Variants in SBK2 observed in about 807,000 individuals in gnomAD.
SBK2 encodes the protein SH3 domain binding kinase family member 2.
SBK2 carries 18 observed loss-of-function variants against 15.9 expected under a neutral mutation model. The ratio of observed to expected loss-of-function variants is 1.13; its 90% confidence interval spans 0.78 to 1.68. The LOEUF (loss-of-function observed/expected upper bound fraction) is 1.68, where lower values mean the gene tolerates loss of function less well. SBK2 is among the 40% of genes most tolerant of loss of function. The pLI, the probability that SBK2 is intolerant of heterozygous loss-of-function variation, is 0.00. For missense variants in SBK2, 581 were observed against 510.9 expected, an observed-to-expected ratio of 1.14 and a Z score of -1.32; for synonymous variants, 284 against 246.8, an observed-to-expected ratio of 1.15 and a Z score of -1.41.
In SBK2 at chr19:55,536,042, C is replaced by T. The variant is rs2123482159; in HGVS notation, c.253G>A (p.Gly85Ser). Residue 85 changes from glycine (G) to serine (S), a missense_variant and splice_region_variant, in exon 2 of 4, where the codon GGC becomes AGC. Physicochemically the swap from Gly to Ser is moderately conservative, Grantham distance 56. Coordinates refer to ENST00000413299, the MANE Select transcript of SBK2 (RefSeq NM_001370096.2). ...RVLLVTHRQKGTPLALKQLPK... is the reference protein window; with the variant it reads ...RVLLVTHRQKSTPLALKQLPK... ...CACCTCTGGCCCCACAGCCTCGTAC[C>T]TTTCTGACGATGGGTGACCAGAAGG... 2 of 1,472,662 alleles carry T rather than the reference C, an allele frequency of 1.4e-6. No individual in the cohort carries two copies. Among genetic ancestry groups the T allele is most frequent in the East Asian group, 2.6e-5 (1 of 38,246 alleles). 91.2% of individuals were successfully genotyped at this position (1,472,662 alleles called of 1,614,324 possible). A position where few individuals can be genotyped will look rare whatever the true frequency, so the allele number is the denominator to read the frequency against.
In SBK2 at chr19:55,528,843, C is replaced by G. The variant is rs1250419883; in HGVS notation, c.*890G>C. On this transcript the variant is annotated 3_prime_UTR_variant, in exon 4 of 4. Coordinates refer to ENST00000413299, the MANE Select transcript of SBK2 (RefSeq NM_001370096.2). ...TCGCTGAGTACATGGGGTCTGTCAG[C>G]AGACGGAAGGCGGCAAAGACCCCCG... 1.3e-5 allele frequency among the ~76,000 whole-genome samples: 2 copies of G among 152,166 alleles called. No individual in the cohort carries two copies. The highest frequency in any genetic ancestry group is 6.5e-5 in the Admixed American group (1 of 15,272).
At chr19:55,530,972 G>A (rs749222501) in intron 3 of SBK2, among the ~76,000 whole-genome samples, 171 bp downstream of exon 3, 9 of 152,148 alleles carry the variant, frequency 5.9e-5, no homozygotes, top group Non-Finnish European at 1.3e-4. Context: ...GAACTCCAAA[G>A]AGGCCTAACA....
chr19:55,532,601 C>CCTT (rs34179769), intron 2 of SBK2, among the ~76,000 whole-genome samples: 72 of 128,382 alleles, frequency 5.6e-4, no homozygotes, highest in African/African-American at 2.1e-3. Flanking sequence ...TACACCCGCC[C>CCTT]TTTTTTTTTT....
intron 2 of SBK2, among the ~76,000 whole-genome samples, chr19:55,531,876 G>A (rs983942272): frequency 1.3e-5 from 2 of 152,032 alleles, no homozygotes. Context: ...CTACTTGGCC[G>A]GCTGAGGCAG....
chr19:55,533,914 A>G (rs953051085), intron 2 of SBK2, among the ~76,000 whole-genome samples: 2 of 151,982 alleles, frequency 1.3e-5, no homozygotes, highest in Non-Finnish European at 2.9e-5. Context: ...CATGCAGCCC[A>G]GGGGCAGGTG....
chr19:55,536,044 T>G lies in SBK2; in HGVS notation c.251A>C (p.Lys84Thr). ...GRVLLVTHRQ[K>T]GTPLALKQLP... is the part of the protein sequence containing the mutation. Reference sequence around the variant, plus strand: ...CCTCTGGCCCCACAGCCTCGTACCTTTCTGACGATGGGTGACCAGAAGGAC... The same window carrying G: ...CCTCTGGCCCCACAGCCTCGTACCTGTCTGACGATGGGTGACCAGAAGGAC... Residue 84 changes from lysine (K) to threonine (T), a missense_variant and splice_region_variant, in exon 2 of 4, where the codon AAA (lysine) becomes ACA (threonine). By Grantham distance (78) the Lys-to-Thr change is moderately conservative (BLOSUM62 -1). Coordinates refer to ENST00000413299, the MANE Select transcript of SBK2 (RefSeq NM_001370096.2). 2.0e-6 allele frequency: 3 copies of G among 1,472,504 alleles called. No individual in the cohort carries two copies. Among genetic ancestry groups the G allele is most frequent in the Non-Finnish European group, 2.7e-6 (3 of 1,104,914 alleles). The allele number at this position is 1,472,504 out of a possible 1,614,324, so 91.2% of individuals were successfully genotyped here.
rs1302300999 is a variant in SBK2 at position 55,530,101 on chromosome 19, C to CG, written c.678dup (p.Glu227ArgfsTer272). 6.2e-6 allele frequency: 9 copies of CG among 1,450,288 alleles called. No homozygotes were observed. In the South Asian group the frequency reaches 1.1e-4, roughly 18 times the overall value. The allele number at this position is 1,450,288 out of a possible 1,614,324, so 89.8% of individuals were successfully genotyped here. ...GGGAGCGGCGGGGGCGCGCAGAGCT[C>CG]GGGGGCCGTGTAGGGGATGGGCGGC... On this transcript the variant is annotated frameshift_variant, in exon 4 of 4. Coordinates refer to ENST00000413299, the MANE Select transcript of SBK2 (RefSeq NM_001370096.2). LOFTEE classifies it low-confidence loss of function (END_TRUNC).
At position 55,536,113 on chromosome 19, in the gene SBK2, A is replaced by T. The variant is rs1375805344; in HGVS notation, c.182T>A (p.Leu61His). 6.4e-7 allele frequency: 1 copy of T among 1,551,350 alleles called. No individual in the cohort carries two copies. ...GCCCAGGGGACGCACTTCCTCGTAG[A>T]GCTCGTCCACCTCGGCTCGGACCAG... ...QTLVRAEVDE[L>H]YEEVRPLGQG... Residue 61 changes from leucine to histidine, a missense_variant, in exon 2 of 4, where the codon CTC becomes CAC. Coordinates refer to ENST00000413299, the MANE Select transcript of SBK2 (RefSeq NM_001370096.2).
intron 2 of SBK2, among the ~76,000 whole-genome samples, chr19:55,533,601 T>C (rs1266649017): frequency 1.9e-5 from 1 of 53,442 alleles, no homozygotes; most frequent in Non-Finnish European, 3.4e-5. Context: ...TGCAGTGAGC[T>C]GAGATTGCGC....
At position 55,529,689 on chromosome 19, in the gene SBK2, C is replaced by A; in HGVS notation, c.*44G>T. 1 of 1,581,718 alleles carries A rather than the reference C, an allele frequency of 6.3e-7. No individual in the cohort carries two copies. Among genetic ancestry groups the A allele is most frequent in the Admixed American group, 1.7e-5 (1 of 57,222 alleles). On this transcript the variant is annotated 3_prime_UTR_variant, in exon 4 of 4. Coordinates refer to ENST00000413299, the MANE Select transcript of SBK2 (RefSeq NM_001370096.2). ...CACCAAAAGCCGTTGGCCTTGGGGG[C>A]CTCGGGTGGGGCGGCTTCCCTTTCT... is the stretch of plus-strand genomic sequence containing the variant.
At chr19:55,530,354 C>T (rs1363804583) in intron 3 of SBK2, 31 bp from the exon 4 acceptor site, 1 of 1,394,856 alleles carries the variant, frequency 7.2e-7, no homozygotes. Context: ...GCCCAGTGCC[C>T]CGGGGCCACG....
Position 55,536,190 on chromosome 19 carries a change from G to GC in SBK2, c.104dup (p.Gln36ProfsTer463), listed in dbSNP as rs1988396759. On this transcript the variant is annotated frameshift_variant, in exon 2 of 4. Transcript: ENST00000413299. LOFTEE classifies it high-confidence loss of function. ...CCTCCAGCGCGCGGGCAGCCTCCTG[G>GC]CCCTGCTGGAGCTCCTCTAATGTCA... 1 of 1,607,234 alleles carries GC rather than the reference G, an allele frequency of 6.2e-7. No homozygotes were observed. Among genetic ancestry groups the GC allele is most frequent in the Non-Finnish European group, 8.5e-7 (1 of 1,177,356 alleles).
chr19:55,531,109 G>A (rs1307664615), intron 3 of SBK2, 34 bp downstream of exon 3: 1 of 1,584,872 alleles, frequency 6.3e-7, no homozygotes, highest in African/African-American at 1.3e-5. Flanking sequence ...GGCCGGTGAG[G>A]CACTCGGAGG....
At position 55,529,708 on chromosome 19, in the gene SBK2, C is replaced by T. The variant is rs1436666942; in HGVS notation, c.*25G>A. 3 of 1,593,030 alleles carry T rather than the reference C, an allele frequency of 1.9e-6. No individual in the cohort carries two copies. Among genetic ancestry groups the T allele is most frequent in the African/African-American group, 1.3e-5 (1 of 74,470 alleles). ...TGGGGGCCTCGGGTGGGGCGGCTTC[C>T]CTTTCTGCATCCCCCGGGGCCTCCT... On this transcript the variant is annotated 3_prime_UTR_variant, in exon 4 of 4. Transcript: ENST00000413299.
intron 3 of SBK2, 40 bp from the exon 4 acceptor site, chr19:55,530,363 C>T (rs1439270722): frequency 1.4e-6 from 2 of 1,388,632 alleles, no homozygotes; most frequent in Non-Finnish European, 1.9e-6. Flanking sequence ...CCCGGGGCCA[C>T]GGAAGGCAAC....
In SBK2 at chr19:55,531,278, G is replaced by C. The variant is rs1279608347; in HGVS notation, c.321C>G (p.Phe107Leu). 2 of 1,613,776 alleles carry C rather than the reference G, an allele frequency of 1.2e-6. No homozygotes were observed. Among genetic ancestry groups the C allele is most frequent in the Admixed American group, 1.7e-5 (1 of 59,992 alleles). ...RTSLRGFLYE[F>L]CVGLSLGAHS... ...GCGCGCCCAGCGAGAGCCCCACACA[G>C]AACTCGTACAGGAAGCCACGGAGGG... The change falls in exon 3 of 4, where the codon TTC becomes TTG. Residue 107 changes from phenylalanine to leucine, a missense_variant. Physicochemically the swap from Phe to Leu is conservative, Grantham distance 22. Coordinates refer to ENST00000413299, the MANE Select transcript of SBK2 (RefSeq NM_001370096.2).
At chr19:55,532,838 T>C (rs1230941049) in intron 2 of SBK2, among the ~76,000 whole-genome samples, 1 of 152,060 alleles carries the variant, frequency 6.6e-6, no homozygotes, top group East Asian at 1.9e-4. Context: ...TAAAAAAAAT[T>C]TGTAGAGACG....
At position 55,529,890 on chromosome 19, in the gene SBK2, G is replaced by A; in HGVS notation, c.890C>T (p.Ala297Val). ...RDRPQPWFGL[A>V]AAADALLRGL... ...CCGCAGAAGCGCGTCGGCCGCGGCGGCCAGGCCGAACCAGGGCTGAGGGCG... is the reference window on the plus strand; with the variant it reads ...CCGCAGAAGCGCGTCGGCCGCGGCGACCAGGCCGAACCAGGGCTGAGGGCG... Residue 297 changes from alanine (A) to valine (V), a missense_variant, in exon 4 of 4, where the codon GCC becomes GTC. Transcript: ENST00000413299. 6.3e-7 allele frequency: 1 copy of A among 1,578,068 alleles called. No homozygotes were observed. Among genetic ancestry groups the A allele is most frequent in the South Asian group, 1.1e-5 (1 of 87,458 alleles).
chr19:55,532,121 G>C (rs1251641719), intron 2 of SBK2, among the ~76,000 whole-genome samples: 1 of 152,050 alleles, frequency 6.6e-6, no homozygotes, highest in Admixed American at 6.6e-5. Flanking sequence ...CAATGACCTC[G>C]TTTGGCTTCT....
Sources: allele counts gnomAD v4.1 joint callset (sites outside exome capture counted in the v4.1 genomes callset), GRCh38; gene constraint gnomAD v4.1.1; transcripts MANE v1.5; gene names NCBI Gene and HGNC (gene_info 2026-07-23, HGNC 2026-07-21).